Variants in COL24A1 observed in about 807,000 individuals in gnomAD.
The protein encoded by COL24A1 is collagen type XXIV alpha 1 chain, also known as collagen alpha-1(XXIV) chain.
A neutral mutation model predicts 253.9 loss-of-function variants in COL24A1; 224 were observed. The observed-to-expected ratio is 0.88, with a 90% CI of 0.79 to 0.99. COL24A1 has a LOEUF of 0.99. COL24A1 is among the 50% of genes least tolerant of loss of function. COL24A1 has a pLI of 0.00. For synonymous variants in COL24A1, 685 were observed against 673.7 expected, an observed-to-expected ratio of 1.02 and a Z score of -0.26; for missense variants, 2,131 against 2,068.5, an observed-to-expected ratio of 1.03 and a Z score of -0.59.
Position 85,868,831 on chromosome 1 carries a change from T to C in COL24A1, c.3143A>G (p.Glu1048Gly), listed in dbSNP as rs374393785. 1.9e-6 allele frequency: 3 copies of C among 1,586,236 alleles called. No individual in the cohort carries two copies. The highest frequency in any genetic ancestry group is 2.6e-6 in the Non-Finnish European group (3 of 1,167,580). Residue 1048 changes from glutamate to glycine, a missense_variant, in exon 36 of 60, where the codon GAA becomes GGA. Transcript: ENST00000370571. ...GGTGEPGLRG[E>G]PGAPGEEGLQ... ...ACCTTCTTCTCCAGGAGCTCCTGGT[T>C]CACCCTATTTTGTAGCAGAAAGAGT...
At chr1:85,949,311 T>C (rs1287513426) in intron 24 of COL24A1, among the ~76,000 whole-genome samples, 5 of 152,250 alleles carry the variant, frequency 3.3e-5, no homozygotes, top group Non-Finnish European at 7.4e-5. Context: ...GATATAAATA[T>C]CTAATACACA....
At chr1:85,825,638 T>A (rs1674216770) in intron 43 of COL24A1, among the ~76,000 whole-genome samples, 1 of 150,780 alleles carries the variant, frequency 6.6e-6, no homozygotes, top group Non-Finnish European at 1.5e-5. Flanking sequence ...AGATGGTATC[T>A]CATTGCGGTT....
chr1:85,878,109 T>C (rs916719609), intron 32 of COL24A1, among the ~76,000 whole-genome samples: 8 of 152,342 alleles, frequency 5.3e-5, no homozygotes, highest in Admixed American at 3.3e-4. Context: ...TACCACAGTT[T>C]GTTTATCCAT....
At chr1:86,076,201 G>A (rs1702230804) in intron 7 of COL24A1, among the ~76,000 whole-genome samples, 1 of 152,098 alleles carries the variant, frequency 6.6e-6, no homozygotes, top group African/African-American at 2.4e-5. Context: ...CAAAGTCTCA[G>A]GATACAAAAT....
chr1:85,997,041 A>ATGTGTGTGTGTGTGTGTG lies in COL24A1; in HGVS notation c.2311-9388_2311-9387insCACACACACACACACACA, dbSNP rs1212886965. Among the ~76,000 whole-genome samples the ATGTGTGTGTGTGTGTGTG allele has an allele frequency of 2.9e-3, 231 of 80,828 alleles. 30 individuals are homozygous for ATGTGTGTGTGTGTGTGTG. The highest frequency in any genetic ancestry group is 0.012 in the Middle Eastern group (2 of 172). 53.0% of individuals were successfully genotyped at this position (80,828 alleles called of 152,430 possible). ...TATGTGTGTGTGTATATATATATAT[A>ATGTGTGTGTGTGTGTGTG]TGTGTGTGTGTGTGTATATATATAT... On this transcript the variant is annotated intron_variant, in intron 19 of 59. Coordinates refer to ENST00000370571, the MANE Select transcript of COL24A1 (RefSeq NM_152890.7).
At chr1:85,911,296 A>T in intron 25 of COL24A1, 84 bp downstream of exon 25, 1 of 1,040,024 alleles carries the variant, frequency 9.6e-7, no homozygotes, top group Non-Finnish European at 1.5e-6. Flanking sequence ...ATTTCTAATT[A>T]ACATAAAAGA....
chr1:86,105,019 G>A (rs1275569909), intron 5 of COL24A1, among the ~76,000 whole-genome samples: 2 of 152,194 alleles, frequency 1.3e-5, no homozygotes, highest in Non-Finnish European at 2.9e-5. Flanking sequence ...GTGCAGGACT[G>A]TGTGTGCCCT....
chr1:85,822,506 C>A (rs1055502568), intron 45 of COL24A1, among the ~76,000 whole-genome samples: 2 of 152,198 alleles, frequency 1.3e-5, no homozygotes, highest in Non-Finnish European at 2.9e-5. Flanking sequence ...GAGGCAATGT[C>A]TATCTGGCCA....
rs149552987 is a variant in COL24A1, at chr1:85,794,816, C to T, written c.3952-8355G>A. Among the ~76,000 whole-genome samples, 12 of 152,158 alleles carry T rather than the reference C, an allele frequency of 7.9e-5. 1 individual carries two copies. Among genetic ancestry groups the T allele is most frequent in the Admixed American group, 7.9e-4 (12 of 15,280 alleles). ...AGAGATGCCAAAAATCAATGAACAG[C>T]TTACATGTGTATTAAAAATTAATAT... On this transcript the variant is annotated intron_variant, in intron 47 of 59. Transcript: ENST00000370571.
chr1:86,148,371 T>C (rs1358058916), intron 1 of COL24A1, among the ~76,000 whole-genome samples: 3 of 151,872 alleles, frequency 2.0e-5, no homozygotes, highest in Non-Finnish European at 4.4e-5. Context: ...TATTATACTT[T>C]AAGTTTTAGG....
In COL24A1 at chr1:85,733,742, G is replaced by C. The variant is rs552689593; in HGVS notation, c.4998+1007C>G. Among the ~76,000 whole-genome samples, 7 of 151,912 alleles carry C rather than the reference G, an allele frequency of 4.6e-5. No individual in the cohort carries two copies. The South Asian group carries it at 1.5e-3, about 32-fold the overall frequency. On this transcript the variant is annotated intron_variant, in intron 59 of 59. Transcript: ENST00000370571. ...TTATTGGCGTGTGCCACCATGCCTG[G>C]CTAATTTTTGTATTTTTAGTAGAGA...
chr1:86,067,684 C>T (rs966096368), intron 7 of COL24A1, among the ~76,000 whole-genome samples: 1 of 152,050 alleles, frequency 6.6e-6, no homozygotes, highest in African/African-American at 2.4e-5. Context: ...AAGTTATCTC[C>T]ACTATTATAT....
chr1:85,748,686 C>G (rs534574259), intron 55 of COL24A1, among the ~76,000 whole-genome samples: 1 of 141,732 alleles, frequency 7.1e-6, no homozygotes, highest in Non-Finnish European at 1.5e-5. Flanking sequence ...GCACTGTGCG[C>G]GAGCCGAAGC....
At chr1:86,078,717 C>T (rs956510142) in intron 7 of COL24A1, among the ~76,000 whole-genome samples, 1 of 151,844 alleles carries the variant, frequency 6.6e-6, no homozygotes, top group African/African-American at 2.4e-5. Context: ...TTTACAATAG[C>T]CACACATAAA....
chr1:85,827,221 A>T (rs2102038793), intron 43 of COL24A1, among the ~76,000 whole-genome samples: 1 of 152,036 alleles, frequency 6.6e-6, no homozygotes, highest in Admixed American at 6.6e-5. Flanking sequence ...TATATGGTGG[A>T]TTACATTTAT....
In COL24A1 at chr1:86,115,369, C is replaced by T. The variant is rs1706041339; in HGVS notation, c.1501G>A (p.Gly501Ser). Residue 501 changes from glycine to serine, a missense_variant, in exon 4 of 60, where the codon GGT becomes AGT. By Grantham distance (56) the Gly-to-Ser change is moderately conservative (BLOSUM62 0). Transcript: ENST00000370571. ...GACGGACCTGGGATACCTGCTGGAC[C>T]AGGTGGACCCTTGGAAAACAAATGT... ...KGDTGPPGPP[G>S]PAGIPGPSGK... The T allele has an allele frequency of 6.2e-7, 1 of 1,613,830 alleles. No homozygotes were observed. The highest frequency in any genetic ancestry group is 2.2e-5 in the East Asian group (1 of 44,868).
chr1:85,796,872 C>T (rs769903321), intron 47 of COL24A1, among the ~76,000 whole-genome samples: 1 of 151,836 alleles, frequency 6.6e-6, no homozygotes, highest in Non-Finnish European at 1.5e-5. Context: ...GATTTTAAAC[C>T]CAGGTCTCCA....
At chr1:85,803,355 G>A (rs901075056) in intron 47 of COL24A1, among the ~76,000 whole-genome samples, 9 of 151,226 alleles carry the variant, frequency 6.0e-5, no homozygotes, top group African/African-American at 1.2e-4. Flanking sequence ...ACTTGAACTC[G>A]GGAGGTGGAG....
At chr1:85,800,101 T>C (rs554357566) in intron 47 of COL24A1, among the ~76,000 whole-genome samples, 2 of 152,336 alleles carry the variant, frequency 1.3e-5, no homozygotes, top group Non-Finnish European at 2.9e-5. Context: ...GGAGCTAGAA[T>C]ATGCAGGTTT....
Sources: gnomAD v4.1 joint callset for allele counts (sites outside exome capture counted in the v4.1 genomes callset) on GRCh38, gnomAD v4.1.1 for gene constraint, MANE v1.5 for transcripts, NCBI Gene and HGNC (gene_info 2026-07-23, HGNC 2026-07-21) for gene names.